Variants in ADGRB3 observed in about 807,000 individuals in gnomAD.
The protein encoded by ADGRB3 is adhesion G protein-coupled receptor B3.
In ADGRB3, 37 loss-of-function variants were observed where a neutral mutation model predicts 193.4. That is an observed-to-expected ratio of 0.19 (90% CI 0.15 to 0.25). ADGRB3 has a LOEUF of 0.25. Ranked by LOEUF, ADGRB3 falls within the 10% of genes least tolerant of loss-of-function variation. The probability of loss-of-function intolerance (pLI) is 1.00; values close to 1 mark genes in which losing one functional copy is unlikely to be tolerated. For missense variants in ADGRB3, 1,637 were observed against 1,852.9 expected, an observed-to-expected ratio of 0.88 and a Z score of 2.14; for synonymous variants, 690 against 644.2, an observed-to-expected ratio of 1.07 and a Z score of -1.08.
At chr6:69,354,393 C>T in intron 27 of ADGRB3, 65 bp downstream of exon 27, 2 of 1,369,552 alleles carry the variant, frequency 1.5e-6, no homozygotes, top group Non-Finnish European at 2.1e-6. Context: ...AAAAGAAATC[C>T]TTATGAGTAA....
At chr6:69,085,873 A>G (rs1414554633) in intron 17 of ADGRB3, among the ~76,000 whole-genome samples, 1 of 151,850 alleles carries the variant, frequency 6.6e-6, no homozygotes, top group Non-Finnish European at 1.5e-5. Flanking sequence ...GATAAGATAA[A>G]TTTAAAGAAA....
At chr6:68,689,221 G>C (rs1281551703) in intron 3 of ADGRB3, among the ~76,000 whole-genome samples, 1 of 152,132 alleles carries the variant, frequency 6.6e-6, no homozygotes, top group Non-Finnish European at 1.5e-5. Context: ...AGAGCTCAGG[G>C]TCCTAAAGGG....
intron 3 of ADGRB3, among the ~76,000 whole-genome samples, chr6:68,839,859 G>A (rs1234637357): frequency 6.6e-6 from 1 of 152,164 alleles, no homozygotes; most frequent in East Asian, 1.9e-4. Context: ...TCTTATGGCA[G>A]CTGCAGTGGG....
At chr6:68,997,639 T>A (rs1476619942) in intron 11 of ADGRB3, among the ~76,000 whole-genome samples, 1 of 145,658 alleles carries the variant, frequency 6.9e-6, no homozygotes, top group Non-Finnish European at 1.5e-5. Flanking sequence ...GGTGACAGAG[T>A]GACACTCTGT....
intron 3 of ADGRB3, among the ~76,000 whole-genome samples, chr6:68,690,216 A>G (rs886796949): frequency 2.0e-5 from 3 of 152,268 alleles, no homozygotes; most frequent in South Asian, 2.1e-4. Flanking sequence ...CTTAGCCTTT[A>G]CGTGCTACTG....
intron 3 of ADGRB3, among the ~76,000 whole-genome samples, chr6:68,912,135 G>A (rs1450179571): frequency 6.6e-6 from 1 of 151,920 alleles, no homozygotes. Context: ...ACTGTTGTGA[G>A]AATTTTATTC....
intron 8 of ADGRB3, among the ~76,000 whole-genome samples, chr6:68,958,184 G>T (rs977078150): frequency 1.3e-5 from 2 of 151,764 alleles, no homozygotes; most frequent in African/African-American, 4.8e-5. Context: ...CTGCGTGACA[G>T]AGCAAGACTC....
At chr6:68,836,148 A>G (rs1768042268) in intron 3 of ADGRB3, among the ~76,000 whole-genome samples, 1 of 152,134 alleles carries the variant, frequency 6.6e-6, no homozygotes, top group African/African-American at 2.4e-5. Context: ...CCTGAGTTGT[A>G]TTAGAAATGC....
intron 3 of ADGRB3, among the ~76,000 whole-genome samples, chr6:68,706,308 G>T (rs1765325085): frequency 6.6e-6 from 1 of 152,172 alleles, no homozygotes; most frequent in Admixed American, 6.5e-5. Flanking sequence ...CTGGGGTGGG[G>T]AAGACTAGGG....
chr6:69,266,970 A>C (rs1477536599), intron 20 of ADGRB3, among the ~76,000 whole-genome samples: 1 of 152,044 alleles, frequency 6.6e-6, no homozygotes, highest in Non-Finnish European at 1.5e-5. Context: ...TCCTTGCAGA[A>C]GTATTTTTTG....
chr6:69,179,088 T>C (rs183961928), intron 17 of ADGRB3, among the ~76,000 whole-genome samples: 88 of 152,326 alleles, frequency 5.8e-4, no homozygotes, highest in African/African-American at 2.0e-3. Context: ...TGCCAGTAAT[T>C]TGTATGTTTG....
chr6:69,070,039 A>T (rs1772032067), intron 16 of ADGRB3, among the ~76,000 whole-genome samples: 1 of 152,164 alleles, frequency 6.6e-6, no homozygotes, highest in African/African-American at 2.4e-5. Context: ...TGTCCAACTC[A>T]CTGAACGATG....
At chr6:68,703,022 T>C (rs917877018) in intron 3 of ADGRB3, among the ~76,000 whole-genome samples, 3 of 152,204 alleles carry the variant, frequency 2.0e-5, no homozygotes, top group Admixed American at 2.0e-4. Context: ...TGTTAACTTA[T>C]GTTAAAATGC....
At chr6:68,943,762 T>G in intron 5 of ADGRB3, 68 bp from the exon 6 acceptor site, 1 of 1,373,318 alleles carries the variant, frequency 7.3e-7, no homozygotes, top group South Asian at 1.9e-5. Context: ...GCTTTTTAAT[T>G]ATAAAGAAAA....
intron 3 of ADGRB3, among the ~76,000 whole-genome samples, chr6:68,674,837 T>A (rs537279629): frequency 1.4e-4 from 22 of 152,336 alleles, no homozygotes; most frequent in East Asian, 1.2e-3. Flanking sequence ...CAAAATTTAA[T>A]TCAAAATGTT....
intron 3 of ADGRB3, among the ~76,000 whole-genome samples, chr6:68,908,879 C>A (rs1430845589): frequency 6.6e-6 from 1 of 152,122 alleles, no homozygotes; most frequent in African/African-American, 2.4e-5. Context: ...CTGACATCAG[C>A]CGAGCTGACA....
At chr6:68,959,836 T>C (rs1272090723) in intron 8 of ADGRB3, among the ~76,000 whole-genome samples, 1 of 152,166 alleles carries the variant, frequency 6.6e-6, no homozygotes, top group Non-Finnish European at 1.5e-5. Flanking sequence ...TGGTCCAATT[T>C]TTAAATTGGT....
At chr6:68,699,151 T>G (rs972787541) in intron 3 of ADGRB3, among the ~76,000 whole-genome samples, 1 of 152,148 alleles carries the variant, frequency 6.6e-6, no homozygotes, top group Non-Finnish European at 1.5e-5. Flanking sequence ...GAATGGACAT[T>G]AACTCTTCTG....
intron 17 of ADGRB3, among the ~76,000 whole-genome samples, chr6:69,229,960 A>G (rs1021911166): frequency 1.3e-5 from 2 of 152,162 alleles, no homozygotes; most frequent in Admixed American, 6.5e-5. Context: ...AATACTTGGG[A>G]CAGGAAGGCT....
Sources: gnomAD v4.1 joint callset for allele counts (sites outside exome capture counted in the v4.1 genomes callset) on GRCh38, gnomAD v4.1.1 for gene constraint, MANE v1.5 for transcripts, NCBI Gene and HGNC (gene_info 2026-07-23, HGNC 2026-07-21) for gene names.